ZNF827: variants seen among roughly 807,000 people sequenced by gnomAD.
The protein encoded by ZNF827 is zinc finger protein 827.
In ZNF827, 13 loss-of-function variants were observed where a neutral mutation model predicts 102.4. The ratio of observed to expected loss-of-function variants is 0.13; its 90% CI spans 0.08 to 0.20. The LOEUF is 0.20. ZNF827 is among the 10% of genes least tolerant of loss of function. ZNF827 has a pLI of 1.00. For missense variants in ZNF827, 1,103 were observed against 1,344.4 expected (o/e 0.82, Z 2.81); for synonymous variants, 523 against 536.2 (o/e 0.98, Z 0.34).
chr4:145,852,841 C>T (rs1243295890), intron 5 of ZNF827, among the ~76,000 whole-genome samples: 1 of 152,164 alleles, frequency 6.6e-6, no homozygotes, highest in Non-Finnish European at 1.5e-5. Context: ...TCATATAGCA[C>T]ACTGCAGTCT....
chr4:145,915,673 A>T (rs1462530912), intron 1 of ZNF827, among the ~76,000 whole-genome samples: 1 of 152,190 alleles, frequency 6.6e-6, no homozygotes, highest in East Asian at 1.9e-4. Flanking sequence ...CATGCGAAAT[A>T]TATTCATTCC....
At chr4:145,846,503 C>A (rs1186030266) in intron 6 of ZNF827, among the ~76,000 whole-genome samples, 1 of 140,406 alleles carries the variant, frequency 7.1e-6, no homozygotes. Context: ...CAAAAAAACA[C>A]AACAACAACA....
intron 9 of ZNF827, among the ~76,000 whole-genome samples, chr4:145,779,100 AT>A (rs548678094): frequency 6.6e-6 from 1 of 152,048 alleles, no homozygotes; most frequent in African/African-American, 2.4e-5. Context: ...AACTCAATAC[AT>A]TTTTTTTAAC....
intron 8 of ZNF827, among the ~76,000 whole-genome samples, chr4:145,793,616 C>G (rs920085659): frequency 6.6e-6 from 1 of 151,776 alleles, no homozygotes; most frequent in Non-Finnish European, 1.5e-5. Context: ...CTTCCCCAGC[C>G]CACTGACTCA....
At chr4:145,812,458 T>C (rs1474910833) in intron 8 of ZNF827, among the ~76,000 whole-genome samples, 3 of 152,086 alleles carry the variant, frequency 2.0e-5, no homozygotes, top group Non-Finnish European at 2.9e-5. Flanking sequence ...AAAACGAATA[T>C]AGCCCTGCAG....
chr4:145,859,038 T>C (rs1219307257), intron 5 of ZNF827, among the ~76,000 whole-genome samples: 3 of 152,190 alleles, frequency 2.0e-5, no homozygotes, highest in Non-Finnish European at 1.5e-5. Context: ...GTTGCAAGGA[T>C]ATCGCTGCTG....
intron 7 of ZNF827, among the ~76,000 whole-genome samples, chr4:145,842,005 G>C (rs990749333): frequency 1.1e-4 from 16 of 152,144 alleles, no homozygotes; most frequent in African/African-American, 3.9e-4. Context: ...AATCTACAGG[G>C]AGGGGGAAGT....
intron 1 of ZNF827, among the ~76,000 whole-genome samples, chr4:145,905,289 G>C (rs1751756344): frequency 6.6e-6 from 1 of 152,112 alleles, no homozygotes; most frequent in Non-Finnish European, 1.5e-5. Context: ...TTTTGAAATA[G>C]AAGTAACTAG....
chr4:145,913,163 C>T (rs1752412993), intron 1 of ZNF827, among the ~76,000 whole-genome samples: 2 of 152,136 alleles, frequency 1.3e-5, no homozygotes, highest in Admixed American at 6.5e-5. Context: ...TGGTGGCTCA[C>T]ACCTATAATC....
In ZNF827 at chr4:145,862,023, AG is replaced by A. The variant is rs572959975; in HGVS notation, c.1981+8221del. On this transcript the variant is annotated intron_variant, in intron 5 of 14. Coordinates refer to ENST00000508784, the MANE Select transcript of ZNF827 (RefSeq NM_001306215.2). Reference sequence around the variant, plus strand: ...TTGAGGGCTAAAAAGGGAGGTGCAGAGGCCCTGGCCTTGAGGGTGTGAGCTG... The same window carrying A: ...TTGAGGGCTAAAAAGGGAGGTGCAGAGCCCTGGCCTTGAGGGTGTGAGCTG... Among the ~76,000 whole-genome samples the A allele has an allele frequency of 1.1e-4, 16 of 152,344 alleles. No homozygotes were observed. In the East Asian group the frequency reaches 2.9e-3, roughly 28 times the overall value.
At chr4:145,935,982 T>A (rs1754134589) in intron 1 of ZNF827, among the ~76,000 whole-genome samples, 1 of 152,126 alleles carries the variant, frequency 6.6e-6, no homozygotes, top group African/African-American at 2.4e-5. Flanking sequence ...CAACATTTTT[T>A]TTTTTAAAGC....
At chr4:145,917,700 CAAAAAAA>C (rs763617063) in intron 1 of ZNF827, among the ~76,000 whole-genome samples, 520 of 46,850 alleles carry the variant, frequency 0.011, 3 homozygotes, top group Non-Finnish European at 0.017. Flanking sequence ...GGTAGCTGGT[CAAAAAAA>C]AAAAAAAAAA....
At chr4:145,813,573 A>G (rs921853950) in intron 8 of ZNF827, among the ~76,000 whole-genome samples, 6 of 152,148 alleles carry the variant, frequency 3.9e-5, no homozygotes, top group Admixed American at 2.0e-4. Context: ...GTAGAGACCA[A>G]TTCTATTTAT....
At chr4:145,767,266 G>A (rs1008534640) in intron 11 of ZNF827, among the ~76,000 whole-genome samples, 11 of 152,192 alleles carry the variant, frequency 7.2e-5, no homozygotes, top group African/African-American at 2.4e-4. Flanking sequence ...ATTACCAGCA[G>A]TAATCCCATT....
chr4:145,781,731 C>T (rs1738091195), intron 8 of ZNF827, among the ~76,000 whole-genome samples: 1 of 152,168 alleles, frequency 6.6e-6, no homozygotes, highest in Non-Finnish European at 1.5e-5. Flanking sequence ...TTCAGCTGTG[C>T]ATGAATTTCA....
At chr4:145,888,260 A>G (rs934346865) in intron 3 of ZNF827, among the ~76,000 whole-genome samples, 1 of 152,222 alleles carries the variant, frequency 6.6e-6, no homozygotes, top group African/African-American at 2.4e-5. Context: ...TATTAGCTCT[A>G]TCCTCTGACT....
intron 5 of ZNF827, among the ~76,000 whole-genome samples, chr4:145,859,427 G>A (rs749733350): frequency 1.6e-4 from 24 of 152,142 alleles, no homozygotes; most frequent in Non-Finnish European, 2.9e-4. Flanking sequence ...CCAATAATAA[G>A]TGAGTCCCTG....
chr4:145,889,325 C>G (rs1389268521), intron 3 of ZNF827, among the ~76,000 whole-genome samples: 2 of 152,114 alleles, frequency 1.3e-5, no homozygotes, highest in Non-Finnish European at 2.9e-5. Context: ...GTTGTTTCTC[C>G]AGGCTGGGCA....
intron 4 of ZNF827, chr4:145,870,811 C>T (rs1030336599): frequency 9.6e-6 from 2 of 208,342 alleles, no homozygotes; most frequent in African/African-American, 4.6e-5. Context: ...TAGCACTCTC[C>T]CCACCTAATC....
Sources: allele counts gnomAD v4.1 joint callset (sites outside exome capture counted in the v4.1 genomes callset), GRCh38; gene constraint gnomAD v4.1.1; transcripts MANE v1.5; gene names NCBI Gene and HGNC (gene_info 2026-07-23, HGNC 2026-07-21).